Variants in SLC10A7 observed in about 807,000 individuals in gnomAD.
SLC10A7 encodes solute carrier family 10 member 7.
A neutral mutation model predicts 43.2 loss-of-function variants in SLC10A7; 29 were observed. The ratio of observed to expected loss-of-function variants is 0.67; its 90% CI spans 0.50 to 0.92. The LOEUF is 0.92. Ranked by LOEUF, SLC10A7 falls within the 40% of genes least tolerant of loss-of-function variation. The pLI is 0.00. For synonymous variants in SLC10A7, 152 were observed against 144.8 expected, an observed-to-expected ratio of 1.05 and a Z score of -0.35; for missense variants, 295 against 403.2, an observed-to-expected ratio of 0.73 and a Z score of 2.30.
At chr4:146,446,458 C>T (rs144547424) in intron 4 of SLC10A7, among the ~76,000 whole-genome samples, 3 of 152,022 alleles carry the variant, frequency 2.0e-5, no homozygotes, top group Non-Finnish European at 4.4e-5. Flanking sequence ...TGCCTGTAAT[C>T]CCAGTGACTT....
At chr4:146,371,925 A>G (rs889985901) in intron 5 of SLC10A7, among the ~76,000 whole-genome samples, 1 of 152,168 alleles carries the variant, frequency 6.6e-6, no homozygotes, top group Non-Finnish European at 1.5e-5. Context: ...GGTTATCAGA[A>G]TGGTATTTCT....
chr4:146,319,355 T>C (rs1023249325), intron 6 of SLC10A7, among the ~76,000 whole-genome samples: 2 of 152,056 alleles, frequency 1.3e-5, no homozygotes, highest in African/African-American at 4.8e-5. Flanking sequence ...TCTTATCTCT[T>C]CCAGATCTTT....
At chr4:146,494,166 A>C (rs1478280163) in intron 4 of SLC10A7, among the ~76,000 whole-genome samples, 1 of 152,238 alleles carries the variant, frequency 6.6e-6, no homozygotes, top group East Asian at 1.9e-4. Flanking sequence ...AAGCAATCCT[A>C]TGAAATGAGA....
intron 5 of SLC10A7, among the ~76,000 whole-genome samples, chr4:146,356,024 A>T (rs1285502500): frequency 8.3e-6 from 1 of 120,114 alleles, no homozygotes; most frequent in Non-Finnish European, 1.7e-5. Context: ...ATGTACCCTA[A>T]AACTTAAAGT....
At chr4:146,325,700 T>A (rs79025453) in intron 6 of SLC10A7, among the ~76,000 whole-genome samples, 9,958 of 152,232 alleles carry the variant, frequency 0.065, 425 homozygotes, top group South Asian at 0.19. Flanking sequence ...GTAACCTGTG[T>A]CATGGGGTCA....
At position 146,370,862 on chromosome 4, in the gene SLC10A7, TCA is replaced by T. The variant is rs147922339; in HGVS notation, c.436-44868_436-44867del. ...GAGAGTGAAGATCTAGTAATTACCC[TCA>T]GAGTTTAATTTGGCATTTTCCTGAT... is the stretch of plus-strand genomic sequence containing the variant. On this transcript the variant is annotated intron_variant, in intron 5 of 11. Coordinates refer to ENST00000335472, the MANE Select transcript of SLC10A7 (RefSeq NM_001029998.6). Among the ~76,000 whole-genome samples the T allele has an allele frequency of 7.5e-3, 1,138 of 152,262 alleles. 12 individuals carry two copies. The highest frequency in any genetic ancestry group is 0.021 in the African/African-American group (888 of 41,552).
In SLC10A7 at chr4:146,330,886, A is replaced by G. The variant is rs75006879; in HGVS notation, c.436-4890T>C. 6.7e-3 allele frequency among the ~76,000 whole-genome samples: 1,014 copies of G among 152,016 alleles called. 13 individuals are homozygous for G. The highest frequency in any genetic ancestry group is 0.023 in the African/African-American group (958 of 41,434). On this transcript the variant is annotated intron_variant, in intron 5 of 11. Transcript: ENST00000335472. ...TCATGAAGAGAAAGCTCTTTCTTATATTGCTTCCAAATCACTATCACTGCT... is the reference window on the plus strand; with the variant it reads ...TCATGAAGAGAAAGCTCTTTCTTATGTTGCTTCCAAATCACTATCACTGCT...
chr4:146,317,076 C>G (rs1228877689), intron 6 of SLC10A7, among the ~76,000 whole-genome samples: 2 of 152,098 alleles, frequency 1.3e-5, no homozygotes, highest in African/African-American at 4.8e-5. Flanking sequence ...TATACCTTTT[C>G]ATCATACTGT....
intron 5 of SLC10A7, among the ~76,000 whole-genome samples, chr4:146,334,127 C>A (rs554850364): frequency 1.3e-5 from 2 of 152,076 alleles, no homozygotes; most frequent in East Asian, 1.9e-4. Context: ...CAGAGTGGAA[C>A]TGGGGATGCA....
At chr4:146,284,970 A>G (rs1175912803) in intron 9 of SLC10A7, among the ~76,000 whole-genome samples, 1 of 152,230 alleles carries the variant, frequency 6.6e-6, no homozygotes, top group African/African-American at 2.4e-5. Flanking sequence ...AGATGATGAT[A>G]GAGCACAAAT....
intron 5 of SLC10A7, among the ~76,000 whole-genome samples, chr4:146,339,808 G>A (rs775575227): frequency 1.2e-4 from 16 of 136,352 alleles, no homozygotes; most frequent in South Asian, 2.3e-4. Context: ...TTCATTTGTC[G>A]TTTTTTTTTT....
intron 5 of SLC10A7, among the ~76,000 whole-genome samples, chr4:146,428,804 A>G (rs897573725): frequency 1.3e-5 from 2 of 152,210 alleles, no homozygotes; most frequent in Non-Finnish European, 2.9e-5. Flanking sequence ...ACCAACAGTG[A>G]AATCATTCTC....
At chr4:146,425,276 T>C (rs1402409305) in intron 5 of SLC10A7, among the ~76,000 whole-genome samples, 1 of 152,214 alleles carries the variant, frequency 6.6e-6, no homozygotes, top group Non-Finnish European at 1.5e-5. Flanking sequence ...TAAAATGCAA[T>C]ATAGTTTATA....
At chr4:146,372,194 C>T (rs1736835820) in intron 5 of SLC10A7, among the ~76,000 whole-genome samples, 1 of 152,024 alleles carries the variant, frequency 6.6e-6, no homozygotes, top group African/African-American at 2.4e-5. Flanking sequence ...TAGCTTTTGT[C>T]CATAATTCTA....
intron 7 of SLC10A7, among the ~76,000 whole-genome samples, chr4:146,302,356 C>G (rs1301548580): frequency 6.6e-6 from 1 of 152,192 alleles, no homozygotes; most frequent in Non-Finnish European, 1.5e-5. Flanking sequence ...TTCACTCACT[C>G]TTTCAGCACA....
Position 146,492,736 on chromosome 4 carries a change from G to A in SLC10A7, c.396+11113C>T, listed in dbSNP as rs138977034. Among the ~76,000 whole-genome samples, 46 of 152,216 alleles carry A rather than the reference G, an allele frequency of 3.0e-4. 1 individual carries two copies. Among genetic ancestry groups the A allele is most frequent in the African/African-American group, 1.1e-3 (44 of 41,554 alleles). ...TTAATATAAAAAGAGAATACGTTGG[G>A]AAAGCATAAAAATCTACATTTAATG... On this transcript the variant is annotated intron_variant, in intron 4 of 11. Coordinates refer to ENST00000335472, the MANE Select transcript of SLC10A7 (RefSeq NM_001029998.6).
chr4:146,341,449 A>T (rs1356453481), intron 5 of SLC10A7, among the ~76,000 whole-genome samples: 1 of 151,848 alleles, frequency 6.6e-6, no homozygotes, highest in East Asian at 1.9e-4. Context: ...ATTTTGAACT[A>T]ACTTGAATCA....
chr4:146,445,891 CTGTGTG>C (rs10678013), intron 4 of SLC10A7, among the ~76,000 whole-genome samples: 20 of 148,584 alleles, frequency 1.3e-4, no homozygotes, highest in Non-Finnish European at 2.2e-4. Context: ...CTTCTCTCTT[CTGTGTG>C]TGTGTGTGTG....
intron 9 of SLC10A7, among the ~76,000 whole-genome samples, chr4:146,292,628 A>C (rs905011734): frequency 1.3e-5 from 2 of 152,206 alleles, no homozygotes; most frequent in Non-Finnish European, 2.9e-5. Flanking sequence ...TCAGTTAAAA[A>C]CATTGCAATG....
Sources: gnomAD v4.1 joint callset for allele counts (sites outside exome capture counted in the v4.1 genomes callset) on GRCh38, gnomAD v4.1.1 for gene constraint, MANE v1.5 for transcripts, NCBI Gene and HGNC (gene_info 2026-07-23, HGNC 2026-07-21) for gene names.